The following ENPP2 variants were observed in gnomAD, a reference collection of about 807,000 sequenced individuals.
The protein encoded by ENPP2 is ectonucleotide pyrophosphatase/phosphodiesterase 2.
Under a neutral mutation model 120.2 loss-of-function variants are expected in ENPP2, and 51 were observed. The observed-to-expected ratio is 0.42, with a 90% CI of 0.34 to 0.54. The LOEUF (loss-of-function observed/expected upper bound fraction) is 0.54, where lower values mean the gene tolerates loss of function less well. Ranked by LOEUF, ENPP2 falls within the 20% of genes least tolerant of loss-of-function variation. ENPP2 has a pLI of 0.04. For missense variants in ENPP2, 920 were observed against 1,066.5 expected (o/e 0.86, Z 1.91); for synonymous variants, 365 against 366.4 (o/e 1.00, Z 0.04).
At chr8:119,601,116 C>T (rs570242280) in intron 10 of ENPP2, among the ~76,000 whole-genome samples, 19 of 152,290 alleles carry the variant, frequency 1.2e-4, no homozygotes, top group African/African-American at 2.9e-4. Flanking sequence ...TATACTTCTG[C>T]AATCCTTGGG....
chr8:119,645,102 A>T (rs1817403651), intron 1 of ENPP2, among the ~76,000 whole-genome samples: 1 of 152,164 alleles, frequency 6.6e-6, no homozygotes, highest in Non-Finnish European at 1.5e-5. Flanking sequence ...TACAAACTCC[A>T]CTTGCAGAGA....
chr8:119,668,428 T>TC (rs1818140413), intron 1 of ENPP2, among the ~76,000 whole-genome samples: 1 of 138,494 alleles, frequency 7.2e-6, no homozygotes, highest in African/African-American at 2.7e-5. Context: ...TTTTTCTTTT[T>TC]CTTTTTTTTT....
intron 8 of ENPP2, among the ~76,000 whole-genome samples, chr8:119,609,948 A>T (rs1814981107): frequency 6.6e-6 from 1 of 152,192 alleles, no homozygotes; most frequent in African/African-American, 2.4e-5. Flanking sequence ...TGTTGGCATC[A>T]TTAGGGCAAC....
chr8:119,651,217 T>A (rs1285543559), intron 1 of ENPP2, among the ~76,000 whole-genome samples: 4 of 152,068 alleles, frequency 2.6e-5, no homozygotes, highest in Middle Eastern at 3.2e-3. Context: ...CAGAGGAAAT[T>A]CCAGGAGCAA....
At chr8:119,563,116 T>C in intron 23 of ENPP2, 103 bp from the exon 24 acceptor site, 1 of 907,272 alleles carries the variant, frequency 1.1e-6, no homozygotes, top group Non-Finnish European at 1.7e-6. Context: ...CTAAAATTAA[T>C]CCCCATTCAA....
chr8:119,609,624 A>G (rs183925614), intron 8 of ENPP2, among the ~76,000 whole-genome samples: 1 of 152,330 alleles, frequency 6.6e-6, no homozygotes, highest in East Asian at 1.9e-4. Flanking sequence ...CACCAGCAAG[A>G]AGATGAGCTC....
At chr8:119,631,050 A>G (rs1010028608) in intron 2 of ENPP2, among the ~76,000 whole-genome samples, 2 of 151,382 alleles carry the variant, frequency 1.3e-5, no homozygotes, top group Admixed American at 1.3e-4. Context: ...ACCCGCCACT[A>G]TGCCCGGCTA....
chr8:119,655,177 T>A (rs770890191), intron 1 of ENPP2, among the ~76,000 whole-genome samples: 17 of 152,306 alleles, frequency 1.1e-4, no homozygotes, highest in Non-Finnish European at 2.2e-4. Context: ...AAGCAAGAGA[T>A]GAAGCAATGG....
At chr8:119,667,558 A>G (rs1206078834) in intron 1 of ENPP2, among the ~76,000 whole-genome samples, 1 of 152,184 alleles carries the variant, frequency 6.6e-6, no homozygotes, top group African/African-American at 2.4e-5. Flanking sequence ...CATCTTTCCT[A>G]GAGCATTCCT....
intron 2 of ENPP2, among the ~76,000 whole-genome samples, chr8:119,635,784 A>T (rs1029431189): frequency 2.0e-5 from 3 of 152,158 alleles, no homozygotes; most frequent in African/African-American, 7.2e-5. Context: ...TTCAGCCATT[A>T]TTTCCTACGC....
chr8:119,638,546 C>A lies in ENPP2; in HGVS notation c.34-19G>T. The A allele has an allele frequency of 7.0e-7, 1 of 1,422,380 alleles. No individual in the cohort carries two copies. The highest frequency in any genetic ancestry group is 9.9e-7 in the Non-Finnish European group (1 of 1,005,146). 88.1% of individuals were successfully genotyped at this position (1,422,380 alleles called of 1,614,324 possible). A position where few individuals can be genotyped will look rare whatever the true frequency, so the allele number is the denominator to read the frequency against. On this transcript the variant is annotated intron_variant, in intron 1 of 24. Coordinates refer to ENST00000075322, the MANE Select transcript of ENPP2 (RefSeq NM_001040092.3). ...ATATTATCTAAGAGAATAAAGAGAC[C>A]AAGTTGTCAAATACAGCTGGAGAAG...
intron 1 of ENPP2, among the ~76,000 whole-genome samples, chr8:119,652,227 A>G (rs1817646763): frequency 6.6e-6 from 1 of 152,124 alleles, no homozygotes; most frequent in Non-Finnish European, 1.5e-5. Flanking sequence ...CTTTTATATA[A>G]GAACATTGAC....
rs754200934 is a variant in ENPP2, at chr8:119,562,851, A to G, written c.2421+6T>C. ...AAATCCTAAAGGACTCTCTCTGTAAACTCACATTGCAGCTCTCCTCGTTGT... is the reference window on the plus strand; with the variant it reads ...AAATCCTAAAGGACTCTCTCTGTAAGCTCACATTGCAGCTCTCCTCGTTGT... On this transcript the variant is annotated splice_donor_region_variant and intron_variant, in intron 24 of 24. Coordinates refer to ENST00000075322, the MANE Select transcript of ENPP2 (RefSeq NM_001040092.3). 6.2e-7 allele frequency: 1 copy of G among 1,613,220 alleles called. No individual in the cohort carries two copies. Among genetic ancestry groups the G allele is most frequent in the Non-Finnish European group, 8.5e-7 (1 of 1,179,648 alleles).
chr8:119,564,726 G>GTGTC (rs1317874765), intron 23 of ENPP2, 97 bp downstream of exon 23: 17 of 878,220 alleles, frequency 1.9e-5, no homozygotes, highest in Admixed American at 2.7e-5. Flanking sequence ...AACTTAAGGG[G>GTGTC]TGTCATCTCT....
chr8:119,673,247 C>A (rs1201142508), intron 1 of ENPP2: 4 of 1,534,464 alleles, frequency 2.6e-6, no homozygotes, highest in Non-Finnish European at 3.5e-6. Flanking sequence ...AGGCGCATAC[C>A]GTACCCGATC....
Position 119,557,370 on chromosome 8 carries a change from A to G in ENPP2, c.*151T>C. The G allele has an allele frequency of 1.7e-6, 1 of 604,858 alleles. No individual in the cohort carries two copies. The highest frequency in any genetic ancestry group is 2.8e-6 in the Non-Finnish European group (1 of 361,960). The allele number at this position is 604,858 out of a possible 1,614,324, so 37.5% of individuals were successfully genotyped here. On this transcript the variant is annotated 3_prime_UTR_variant, in exon 25 of 25. Coordinates refer to ENST00000075322, the MANE Select transcript of ENPP2 (RefSeq NM_001040092.3). ...CTACCTAAATCAAGCATTAGAGAAA[A>G]ACAGTGGAGTCATTCAGGCATAATA...
intron 21 of ENPP2, among the ~76,000 whole-genome samples, chr8:119,568,522 T>C (rs1814680129): frequency 6.6e-6 from 1 of 152,142 alleles, no homozygotes; most frequent in African/African-American, 2.4e-5. Flanking sequence ...CAACATTATG[T>C]AAAATAACTC....
At chr8:119,643,493 C>T (rs1444552478), upstream of ENPP2, among the ~76,000 whole-genome samples, 1 of 152,214 alleles carries the variant, frequency 6.6e-6, no homozygotes, top group Admixed American at 6.5e-5. Context: ...GACATCAACA[C>T]TGTTGCAACT....
intron 7 of ENPP2, 126 bp from the exon 8 acceptor site, chr8:119,616,510 C>T (rs1815470650): frequency 5.5e-6 from 3 of 548,236 alleles, no homozygotes; most frequent in Non-Finnish European, 6.3e-6. Flanking sequence ...TTATATAAGA[C>T]ATGTATAACC....
Sources: gnomAD v4.1 joint callset for allele counts (sites outside exome capture counted in the v4.1 genomes callset) on GRCh38, gnomAD v4.1.1 for gene constraint, MANE v1.5 for transcripts, NCBI Gene and HGNC (gene_info 2026-07-23, HGNC 2026-07-21) for gene names.